Variants in PARD3 observed in about 807,000 individuals in gnomAD.
PARD3 encodes par-3 family cell polarity regulator, also known as partitioning defective 3 homolog.
PARD3 carries 75 observed loss-of-function variants against 155.4 expected under a neutral mutation model. The ratio of observed to expected loss-of-function variants is 0.48; its 90% CI spans 0.40 to 0.58. The LOEUF (loss-of-function observed/expected upper bound fraction) is 0.58. Among genes scored for constraint, PARD3 ranks in the 20% least tolerant of loss-of-function variants. The pLI is 0.00. For synonymous variants in PARD3, 576 were observed against 610.5 expected, an observed-to-expected ratio of 0.94 and a Z score of 0.83; for missense variants, 1,642 against 1,721.7, an observed-to-expected ratio of 0.95 and a Z score of 0.82.
At chr10:34,412,342 C>T (rs1233759595) in intron 5 of PARD3, among the ~76,000 whole-genome samples, 1 of 152,076 alleles carries the variant, frequency 6.6e-6, no homozygotes, top group Non-Finnish European at 1.5e-5. Flanking sequence ...AATGAAGATG[C>T]TGATACAAGA....
intron 23 of PARD3, among the ~76,000 whole-genome samples, chr10:34,125,781 A>G (rs1158482366): frequency 6.6e-6 from 1 of 152,242 alleles, no homozygotes; most frequent in Admixed American, 6.5e-5. Flanking sequence ...TCAATTTTCT[A>G]CCTGAAGGAC....
chr10:34,696,163 T>C (rs1355011558), intron 2 of PARD3, among the ~76,000 whole-genome samples, 155 bp downstream of exon 2: 3 of 152,056 alleles, frequency 2.0e-5, no homozygotes, highest in Non-Finnish European at 4.4e-5. Context: ...TGAAGATTCA[T>C]GATACTTATT....
chr10:34,141,312 C>T (rs908081518), intron 22 of PARD3, among the ~76,000 whole-genome samples: 1 of 152,150 alleles, frequency 6.6e-6, no homozygotes, highest in Non-Finnish European at 1.5e-5. Flanking sequence ...CATGCAAATC[C>T]CAAAGGTACT....
chr10:34,331,329 T>A lies in PARD3; in HGVS notation c.2621A>T (p.Asp874Val). 2 of 1,612,816 alleles carry A rather than the reference T, an allele frequency of 1.2e-6. No homozygotes were observed. Among genetic ancestry groups the A allele is most frequent in the Non-Finnish European group, 1.7e-6 (2 of 1,178,994 alleles). The change falls in exon 19 of 25, where the codon GAT becomes GTT. Residue 874 changes from aspartate to valine, a missense_variant. Physicochemically the swap from Asp to Val is radical, Grantham distance 152 (BLOSUM62 -3). This residue lies in a region of PARD3 where 1,529 missense variants were observed against 1,587.3 expected (regional missense o/e 0.96). Coordinates refer to ENST00000374788, the MANE Select transcript of PARD3 (RefSeq NM_001184785.2). ...CTTCAGACCCAGGGAAGGACCCACATCTCTGCTGGGAGAACCTGGGAGGTT... is the reference window on the plus strand; with the variant it reads ...CTTCAGACCCAGGGAAGGACCCACAACTCTGCTGGGAGAACCTGGGAGGTT... ...DDQKAGSPSR[D>V]VGPSLGLKKS...
Position 34,111,225 on chromosome 10 carries a change from C to A in PARD3, c.4006G>T (p.Val1336Phe). The A allele has an allele frequency of 6.2e-7, 1 of 1,608,334 alleles. No individual in the cohort carries two copies. The highest frequency in any genetic ancestry group is 1.3e-5 in the African/African-American group (1 of 74,910). The change falls in exon 25 of 25, where the codon GTT (valine) becomes TTT (phenylalanine). Residue 1336 changes from valine (V) to phenylalanine (F), a missense_variant. By Grantham distance (50) the Val-to-Phe change is conservative (BLOSUM62 -1). Coordinates refer to ENST00000374788, the MANE Select transcript of PARD3 (RefSeq NM_001184785.2). The part of the protein sequence containing the change: ...RQDVPPSPSQ[V>F]ARLNRLQTPE... ...GTCTGAAGTCTGTTCAGCCTCGCAA[C>A]CTGAGAAGGGGAGGGGGGCACATCT...
chr10:34,218,666 A>C (rs963612833), intron 22 of PARD3, among the ~76,000 whole-genome samples: 4 of 152,106 alleles, frequency 2.6e-5, no homozygotes, highest in Non-Finnish European at 5.9e-5. Context: ...TCGTGACAGC[A>C]ATGAAGAAGT....
chr10:34,801,808 G>T (rs1195048448), intron 1 of PARD3, among the ~76,000 whole-genome samples: 1 of 152,042 alleles, frequency 6.6e-6, no homozygotes, highest in Non-Finnish European at 1.5e-5. Context: ...AATTATAGAG[G>T]CCTATATAGT....
intron 2 of PARD3, among the ~76,000 whole-genome samples, chr10:34,635,900 G>C (rs2092451215): frequency 6.6e-6 from 1 of 152,078 alleles, no homozygotes; most frequent in South Asian, 2.1e-4. Flanking sequence ...TGTGTGGGCA[G>C]ACTGGGTCTT....
At chr10:34,368,198 G>A (rs899723411) in intron 12 of PARD3, among the ~76,000 whole-genome samples, 1 of 152,292 alleles carries the variant, frequency 6.6e-6, no homozygotes, top group Non-Finnish European at 1.5e-5. Context: ...CCAGTGAGCC[G>A]ACATCAGTGA....
intron 19 of PARD3, among the ~76,000 whole-genome samples, chr10:34,330,667 A>G (rs1835519345): frequency 6.6e-6 from 1 of 152,312 alleles, no homozygotes; most frequent in East Asian, 1.9e-4. Context: ...TATGTGGATT[A>G]TATCTAGCAA....
chr10:34,666,249 T>C (rs1259850506), intron 2 of PARD3, among the ~76,000 whole-genome samples: 1 of 128,798 alleles, frequency 7.8e-6, no homozygotes, highest in African/African-American at 2.9e-5. Flanking sequence ...CAAAGAAAAA[T>C]CCCCATTTAA....
chr10:34,345,896 G>C (rs1434868802), intron 15 of PARD3: 1 of 985,082 alleles, frequency 1.0e-6, no homozygotes, highest in Non-Finnish European at 1.2e-6. Flanking sequence ...TTTCAAATTT[G>C]CAAAACACAA....
chr10:34,648,289 T>C (rs894921982), intron 2 of PARD3, among the ~76,000 whole-genome samples: 11 of 152,338 alleles, frequency 7.2e-5, no homozygotes, highest in Admixed American at 1.3e-4. Flanking sequence ...CTTTCATGAA[T>C]GTTTTATAGT....
intron 2 of PARD3, among the ~76,000 whole-genome samples, chr10:34,687,676 C>T (rs940827275): frequency 7.2e-5 from 11 of 151,888 alleles, no homozygotes; most frequent in East Asian, 3.9e-4. Context: ...CATCCAAGAA[C>T]GACAAAGGAA....
intron 5 of PARD3, among the ~76,000 whole-genome samples, chr10:34,409,449 A>T (rs1485211372): frequency 6.6e-6 from 1 of 152,210 alleles, no homozygotes; most frequent in Non-Finnish European, 1.5e-5. Flanking sequence ...GTCATCAATG[A>T]TTCACACAGG....
intron 22 of PARD3, among the ~76,000 whole-genome samples, chr10:34,182,621 C>A (rs1040498580): frequency 6.6e-6 from 1 of 151,986 alleles, no homozygotes; most frequent in African/African-American, 2.4e-5. Context: ...AGTAACCTAT[C>A]TGTTCCATTG....
chr10:34,782,352 A>G (rs1026799241), intron 1 of PARD3, among the ~76,000 whole-genome samples: 6 of 152,240 alleles, frequency 3.9e-5, no homozygotes, highest in Non-Finnish European at 7.3e-5. Flanking sequence ...AAGGTTACCC[A>G]GGGAATCTTG....
At chr10:34,457,512 T>G (rs1411705343) in intron 4 of PARD3, among the ~76,000 whole-genome samples, 8 of 152,168 alleles carry the variant, frequency 5.3e-5, no homozygotes. Flanking sequence ...TCTGGAGAAG[T>G]GATAACAAAT....
chr10:34,685,718 C>G (rs1370929882), intron 2 of PARD3, among the ~76,000 whole-genome samples: 2 of 151,968 alleles, frequency 1.3e-5, no homozygotes, highest in Non-Finnish European at 2.9e-5. Context: ...CTCAGCCTCT[C>G]AAGTAACTGG....
Sources: allele counts gnomAD v4.1 joint callset (sites outside exome capture counted in the v4.1 genomes callset), GRCh38; gene constraint gnomAD v4.1.1; regional missense constraint gnomAD v4.1.1; transcripts MANE v1.5; gene names NCBI Gene and HGNC (gene_info 2026-07-23, HGNC 2026-07-21).